The following GALNT10 variants were observed in gnomAD, a reference collection of about 807,000 sequenced individuals.
The protein encoded by GALNT10 is polypeptide N-acetylgalactosaminyltransferase 10.
GALNT10 carries 41 observed loss-of-function variants against 75.0 expected under a neutral mutation model. That is an observed-to-expected ratio of 0.55 (90% CI 0.43 to 0.71). The LOEUF is 0.71. Among genes scored for constraint, GALNT10 ranks in the 30% least tolerant of loss-of-function variants. GALNT10 has a pLI of 0.00. For missense variants in GALNT10, 727 were observed against 818.5 expected, an observed-to-expected ratio of 0.89 and a Z score of 1.36; for synonymous variants, 302 against 313.0, an observed-to-expected ratio of 0.96 and a Z score of 0.37.
intron 1 of GALNT10, among the ~76,000 whole-genome samples, chr5:154,196,566 C>G (rs1361827555): frequency 1.3e-5 from 2 of 152,114 alleles, no homozygotes; most frequent in African/African-American, 2.4e-5. Context: ...TGGCTTTGTT[C>G]TGTTTTGAGG....
intron 3 of GALNT10, among the ~76,000 whole-genome samples, chr5:154,316,572 G>T (rs1754596055): frequency 6.6e-6 from 1 of 152,188 alleles, no homozygotes; most frequent in Non-Finnish European, 1.5e-5. Flanking sequence ...AAGGCAGAAA[G>T]AAATTATCAT....
chr5:154,416,796 T>A lies in GALNT10; in HGVS notation c.1654-18T>A. ...ATGTCTCCAGTGCTGTCTGGCTTAT[T>A]ACCTCCATGTTTTGTAGGACAAGAC... On this transcript the variant is annotated intron_variant, in intron 11 of 11. Coordinates refer to ENST00000297107, the MANE Select transcript of GALNT10 (RefSeq NM_198321.4). This position sits in a 1 kb window ranked among gnomAD's most constrained non-coding sequence, Gnocchi z 4.5. The A allele has an allele frequency of 6.2e-7, 1 of 1,603,482 alleles. No individual in the cohort carries two copies. The highest frequency in any genetic ancestry group is 8.5e-7 in the Non-Finnish European group (1 of 1,170,456).
intron 1 of GALNT10, among the ~76,000 whole-genome samples, chr5:154,217,035 T>C (rs1288169449): frequency 6.6e-6 from 1 of 152,222 alleles, no homozygotes; most frequent in Non-Finnish European, 1.5e-5. Context: ...TATTCAATTG[T>C]TTCCTATGTG....
At position 154,416,065 on chromosome 5, in the gene GALNT10, T is replaced by C. The variant is rs534963793; in HGVS notation, c.1653+133T>C. The C allele has an allele frequency of 1.1e-4, 86 of 806,542 alleles. No individual in the cohort carries two copies. Among genetic ancestry groups the C allele is most frequent in the Non-Finnish European group, 1.5e-4 (79 of 511,802 alleles). 50.0% of individuals were successfully genotyped at this position (806,542 alleles called of 1,614,324 possible). ...CACAAACCTACCATGCCGGATTTTG[T>C]AGTCATTCAAGAGTAGTCAGAAATC... On this transcript the variant is annotated intron_variant, in intron 11 of 11. Coordinates refer to ENST00000297107, the MANE Select transcript of GALNT10 (RefSeq NM_198321.4). The surrounding 1 kb of genome is among the most constrained non-coding windows in gnomAD (Gnocchi z 4.5).
At chr5:154,192,803 T>G (rs1227195567) in intron 1 of GALNT10, among the ~76,000 whole-genome samples, 2 of 152,152 alleles carry the variant, frequency 1.3e-5, no homozygotes, top group Admixed American at 6.5e-5. Flanking sequence ...CATTCTAAAA[T>G]AGTGCTTGAC....
chr5:154,380,126 T>C (rs1267217833), intron 5 of GALNT10, among the ~76,000 whole-genome samples: 1 of 152,214 alleles, frequency 6.6e-6, no homozygotes, highest in Non-Finnish European at 1.5e-5. Context: ...AAGGCACGTA[T>C]GCTAAGCATT....
intron 1 of GALNT10, among the ~76,000 whole-genome samples, chr5:154,293,613 A>ATATATTTTTTTTTTTTTTTT: frequency 5.5e-5 from 6 of 109,358 alleles, no homozygotes; most frequent in African/African-American, 2.5e-4. Context: ...ATATATATAT[A>ATATATTTTTTTTTTTTTTTT]TTTTTTTTTT....
Position 154,257,984 on chromosome 5 carries a change from T to C in GALNT10, c.160-36832T>C, listed in dbSNP as rs1753642646. ...TGCATCATGCTTCTAGAAGTTAAGG[T>C]ATATGTCAGCAGGTACAAAAATCTA... On this transcript the variant is annotated intron_variant, in intron 1 of 11. Transcript: ENST00000297107. 2.6e-5 allele frequency among the ~76,000 whole-genome samples: 4 copies of C among 152,154 alleles called. No individual in the cohort carries two copies. In the South Asian group the frequency reaches 8.3e-4, roughly 32 times the overall value.
At chr5:154,366,161 C>G (rs1019031693) in intron 4 of GALNT10, among the ~76,000 whole-genome samples, 3 of 152,236 alleles carry the variant, frequency 2.0e-5, no homozygotes, top group African/African-American at 7.2e-5. Flanking sequence ...ATATATGGCA[C>G]TTACAAGTGT....
At chr5:154,313,003 G>T (rs1398897253) in intron 3 of GALNT10, among the ~76,000 whole-genome samples, 1 of 152,156 alleles carries the variant, frequency 6.6e-6, no homozygotes, top group African/African-American at 2.4e-5. Context: ...ACTGTCACTA[G>T]ATTTTTTTAA....
intron 1 of GALNT10, among the ~76,000 whole-genome samples, chr5:154,265,915 AT>A (rs1445185526): frequency 1.3e-5 from 2 of 151,296 alleles, no homozygotes; most frequent in Non-Finnish European, 2.9e-5. Flanking sequence ...AAAAAAAAAA[AT>A]GTTGCCCACC....
At chr5:154,374,088 A>G (rs1755619967) in intron 4 of GALNT10, among the ~76,000 whole-genome samples, 1 of 152,190 alleles carries the variant, frequency 6.6e-6, no homozygotes, top group African/African-American at 2.4e-5. Context: ...GTTCCTGACC[A>G]AACAGCAGCA....
At chr5:154,199,064 G>T (rs1037310098) in intron 1 of GALNT10, among the ~76,000 whole-genome samples, 5 of 152,196 alleles carry the variant, frequency 3.3e-5, no homozygotes, top group Admixed American at 6.5e-5. Context: ...TTGCTGAATG[G>T]CTGAGGGGGT....
intron 1 of GALNT10, among the ~76,000 whole-genome samples, chr5:154,258,598 G>GGTCAC (rs1753650772): frequency 6.6e-6 from 1 of 152,208 alleles, no homozygotes; most frequent in Non-Finnish European, 1.5e-5. Context: ...ATTCTAGCCT[G>GGTCAC]TGACCCTTGT....
intron 1 of GALNT10, among the ~76,000 whole-genome samples, chr5:154,235,568 C>T (rs1406487506): frequency 6.6e-6 from 1 of 152,084 alleles, no homozygotes; most frequent in Non-Finnish European, 1.5e-5. Flanking sequence ...TTTGGGGGAC[C>T]AACAATTGAG....
In GALNT10 at chr5:154,298,176, C is replaced by T. The variant is rs148586271; in HGVS notation, c.401+97C>T. On this transcript the variant is annotated intron_variant, in intron 3 of 11. Transcript: ENST00000297107. This position sits in a 1 kb window ranked among gnomAD's most constrained non-coding sequence, Gnocchi z 4.1. ...AAGCAGGTACATGGAGCCCTGCTGACGGAGACACCCTCCTCTTTCACAGGC... is the reference window on the plus strand; with the variant it reads ...AAGCAGGTACATGGAGCCCTGCTGATGGAGACACCCTCCTCTTTCACAGGC... 8.6e-5 allele frequency: 90 copies of T among 1,049,402 alleles called. No individual in the cohort carries two copies. The African/African-American group carries it at 1.1e-3, about 13-fold the overall frequency. 65.0% of individuals were successfully genotyped at this position (1,049,402 alleles called of 1,614,324 possible).
At chr5:154,404,034 G>C (rs770831706) in intron 7 of GALNT10, 70 bp from the exon 8 acceptor site, 24 of 1,196,184 alleles carry the variant, frequency 2.0e-5, no homozygotes, top group Non-Finnish European at 2.9e-5. Flanking sequence ...TGCACTAAGG[G>C]ATGCTGGCCT....
intron 3 of GALNT10, among the ~76,000 whole-genome samples, chr5:154,326,092 G>T (rs1447336064): frequency 6.7e-6 from 1 of 150,346 alleles, no homozygotes; most frequent in African/African-American, 2.4e-5. Context: ...AAACCTGAAA[G>T]TAAAATATAC....
chr5:154,381,687 C>T (rs1016537203), intron 6 of GALNT10, among the ~76,000 whole-genome samples: 3 of 152,184 alleles, frequency 2.0e-5, no homozygotes, highest in African/African-American at 7.2e-5. Flanking sequence ...ATCCATTTCC[C>T]TACCTTTCCT....
Sources: allele counts gnomAD v4.1 joint callset (sites outside exome capture counted in the v4.1 genomes callset), GRCh38; gene constraint gnomAD v4.1.1; non-coding constraint Gnocchi (gnomAD v3.1); transcripts MANE v1.5; gene names NCBI Gene and HGNC (gene_info 2026-07-23, HGNC 2026-07-21).